Variants in HSD17B4 observed in about 807,000 individuals in gnomAD.
HSD17B4 encodes the protein peroxisomal multifunctional enzyme type 2.
Under a neutral mutation model 101.0 loss-of-function variants are expected in HSD17B4, and 70 were observed. That is an observed-to-expected ratio of 0.69 (90% CI 0.57 to 0.85). The LOEUF is 0.85. HSD17B4 is among the 40% of genes least tolerant of loss of function. The pLI is 0.00. For missense variants in HSD17B4, 984 were observed against 892.4 expected, an observed-to-expected ratio of 1.10 and a Z score of -1.31; for synonymous variants, 347 against 297.1, an observed-to-expected ratio of 1.17 and a Z score of -1.73.
chr5:119,495,598 GC>G (rs1561460091), intron 11 of HSD17B4: 1 of 152,296 alleles, frequency 6.6e-6, no homozygotes, highest in African/African-American at 2.4e-5. Context: ...AGATTAATAG[GC>G]AAGAAACCTC....
intron 2 of HSD17B4, among the ~76,000 whole-genome samples, chr5:119,468,739 A>C (rs10061692): frequency 0.013 from 1,891 of 151,128 alleles, 15 homozygotes; most frequent in African/African-American, 0.023. Context: ...ATATGTAAAA[A>C]TTTGTTTACT....
Position 119,461,907 on chromosome 5 carries a change from A to G in HSD17B4, c.112+5539A>G, listed in dbSNP as rs368212300. On this transcript the variant is annotated intron_variant, in intron 2 of 23. Coordinates refer to ENST00000510025, the MANE Select transcript of HSD17B4 (RefSeq NM_000414.4). Reference sequence around the variant, plus strand: ...AAGAAAAAACGAAAAGGATTTCCCAATATTCGTACATTCCCAATATAGCAC... The same window carrying G: ...AAGAAAAAACGAAAAGGATTTCCCAGTATTCGTACATTCCCAATATAGCAC... Among the ~76,000 whole-genome samples, 63 of 152,242 alleles carry G rather than the reference A, an allele frequency of 4.1e-4. 1 individual carries two copies. In the South Asian group the frequency reaches 0.012, roughly 28 times the overall value.
chr5:119,519,665 T>C (rs1752943348), intron 17 of HSD17B4, among the ~76,000 whole-genome samples: 1 of 152,232 alleles, frequency 6.6e-6, no homozygotes, highest in African/African-American at 2.4e-5. Flanking sequence ...ATTTTGCAAA[T>C]ATCAAGTCAT....
chr5:119,518,703 A>C (rs1752860945), intron 17 of HSD17B4, among the ~76,000 whole-genome samples: 1 of 152,190 alleles, frequency 6.6e-6, no homozygotes, highest in Non-Finnish European at 1.5e-5. Flanking sequence ...TTATACATAA[A>C]CTTTATGCTA....
At chr5:119,497,540 A>G (rs1750756842) in intron 12 of HSD17B4, among the ~76,000 whole-genome samples, 2 of 152,186 alleles carry the variant, frequency 1.3e-5, no homozygotes. Flanking sequence ...CTATGACACC[A>G]TGACTTCTGG....
chr5:119,489,784 G>T (rs905070039), intron 9 of HSD17B4, among the ~76,000 whole-genome samples: 4 of 151,942 alleles, frequency 2.6e-5, no homozygotes, highest in South Asian at 2.1e-4. Flanking sequence ...TGTGTGATAG[G>T]TCAATAAATA....
At chr5:119,464,733 C>T (rs1755641050) in intron 2 of HSD17B4, 1 of 152,168 alleles carries the variant, frequency 6.6e-6, no homozygotes, top group African/African-American at 2.4e-5. Flanking sequence ...GCTGGGACTA[C>T]AGGCACCCGC....
chr5:119,452,828 C>G, intron 1 of HSD17B4, 195 bp downstream of exon 1: 1 of 1,535,968 alleles, frequency 6.5e-7, no homozygotes, highest in South Asian at 1.2e-5. Flanking sequence ...GCAGGTACAG[C>G]CCGCTTCTCC....
chr5:119,534,662 A>G (rs1157741114), intron 22 of HSD17B4, among the ~76,000 whole-genome samples: 2 of 152,086 alleles, frequency 1.3e-5, no homozygotes, highest in African/African-American at 2.4e-5. Context: ...GGTTCCAAAC[A>G]TTGGATTTGG....
chr5:119,495,368 C>T (rs1750538812), intron 11 of HSD17B4, among the ~76,000 whole-genome samples: 1 of 152,154 alleles, frequency 6.6e-6, no homozygotes, highest in Non-Finnish European at 1.5e-5. Context: ...CTATTTGAAG[C>T]ACAATTTTTA....
At position 119,530,869 on chromosome 5, in the gene HSD17B4, AAC is replaced by A. The variant is rs1327029232; in HGVS notation, c.1855-395_1855-394del. Among the ~76,000 whole-genome samples, 931 of 143,848 alleles carry A rather than the reference AAC, an allele frequency of 6.5e-3. 35 individuals carry two copies. Among genetic ancestry groups the A allele is most frequent in the East Asian group, 0.048 (221 of 4,606 alleles). The allele number at this position is 143,848 out of a possible 152,430, so 94.4% of individuals were successfully genotyped here. A position where few individuals can be genotyped will look rare whatever the true frequency, so the allele number is the denominator to read the frequency against. On this transcript the variant is annotated intron_variant, in intron 21 of 23. Transcript: ENST00000510025. ...TCAAAAAAAAAAAAAAAAAACAAAA[AAC>A]AAAAAAAACCCAAAACTTAAGTTTT...
At chr5:119,491,403 A>C (rs1257662896) in intron 9 of HSD17B4, among the ~76,000 whole-genome samples, 1 of 151,022 alleles carries the variant, frequency 6.6e-6, no homozygotes, top group Non-Finnish European at 1.5e-5. Flanking sequence ...GTTTGGGTAC[A>C]CTGTAGTTGT....
chr5:119,472,548 C>T (rs1279284712), intron 2 of HSD17B4: 1 of 152,226 alleles, frequency 6.6e-6, no homozygotes, highest in Non-Finnish European at 1.5e-5. Context: ...ATTCTCCTGC[C>T]TCAGCCTCCC....
At chr5:119,467,079 C>T (rs1224070555) in intron 2 of HSD17B4, among the ~76,000 whole-genome samples, 1 of 152,142 alleles carries the variant, frequency 6.6e-6, no homozygotes, top group Non-Finnish European at 1.5e-5. Context: ...TGTATTTGTA[C>T]TGTGTCCAAA....
intron 23 of HSD17B4, among the ~76,000 whole-genome samples, chr5:119,537,207 T>G (rs1754611891): frequency 6.6e-6 from 1 of 151,968 alleles, no homozygotes; most frequent in Non-Finnish European, 1.5e-5. Context: ...CACATAGGAG[T>G]AATTTGAATA....
At chr5:119,459,151 C>G (rs548048168) in intron 2 of HSD17B4, among the ~76,000 whole-genome samples, 20 of 152,264 alleles carry the variant, frequency 1.3e-4, no homozygotes, top group Non-Finnish European at 2.4e-4. Flanking sequence ...GTTTTTAACC[C>G]CTATGGGATC....
intron 12 of HSD17B4, among the ~76,000 whole-genome samples, chr5:119,498,484 C>G (rs1750852130): frequency 6.6e-6 from 1 of 152,190 alleles, no homozygotes; most frequent in African/African-American, 2.4e-5. Context: ...ATGTACTTCA[C>G]TTATTAGCTA....
At chr5:119,502,330 T>G (rs974181901) in intron 14 of HSD17B4, among the ~76,000 whole-genome samples, 1 of 152,184 alleles carries the variant, frequency 6.6e-6, no homozygotes, top group Non-Finnish European at 1.5e-5. Context: ...TGTTGATGTA[T>G]GTGTTATTAA....
At chr5:119,504,016 G>C (rs902902009) in intron 14 of HSD17B4, among the ~76,000 whole-genome samples, 13 of 152,104 alleles carry the variant, frequency 8.5e-5, no homozygotes, top group Non-Finnish European at 1.5e-5. Flanking sequence ...CCACTTGTAA[G>C]TGAAAACACA....
Sources: gnomAD v4.1 joint callset for allele counts (sites outside exome capture counted in the v4.1 genomes callset) on GRCh38, gnomAD v4.1.1 for gene constraint, MANE v1.5 for transcripts, NCBI Gene and HGNC (gene_info 2026-07-23, HGNC 2026-07-21) for gene names.